The following USP4 variants were observed in gnomAD, a reference collection of about 807,000 sequenced individuals.
USP4 encodes the protein ubiquitin specific peptidase 4, also known as ubiquitin carboxyl-terminal hydrolase 4.
A neutral mutation model predicts 118.2 loss-of-function variants in USP4; 72 were observed. That is an observed-to-expected ratio of 0.61 (90% CI 0.50 to 0.74). The LOEUF is 0.74. USP4 is among the 30% of genes least tolerant of loss of function. USP4 has a pLI of 0.00. For synonymous variants in USP4, 415 were observed against 440.4 expected, an observed-to-expected ratio of 0.94 and a Z score of 0.72; for missense variants, 1,037 against 1,185.7, an observed-to-expected ratio of 0.87 and a Z score of 1.84.
At chr3:49,322,080 C>G (rs1054678573) in intron 6 of USP4, among the ~76,000 whole-genome samples, 1 of 152,152 alleles carries the variant, frequency 6.6e-6, no homozygotes, top group East Asian at 1.9e-4. Flanking sequence ...ACTACCCTGA[C>G]CAAGAAACAG....
At chr3:49,330,146 G>T (rs1283969103) in intron 2 of USP4, among the ~76,000 whole-genome samples, 2 of 150,522 alleles carry the variant, frequency 1.3e-5, no homozygotes. Flanking sequence ...ACTCCAGCCT[G>T]GGCAACAGAG....
intron 8 of USP4, among the ~76,000 whole-genome samples, chr3:49,306,414 G>A (rs1209991043): frequency 6.6e-6 from 1 of 151,740 alleles, no homozygotes; most frequent in Non-Finnish European, 1.5e-5. Context: ...TGTTGGCCAG[G>A]CTGGTCTCAA....
chr3:49,328,381 G>T (rs2047579559), intron 2 of USP4, among the ~76,000 whole-genome samples: 1 of 151,932 alleles, frequency 6.6e-6, no homozygotes, highest in South Asian at 2.1e-4. Context: ...CATACATGAG[G>T]TGGTTATGGT....
At chr3:49,286,945 G>A (rs1344086731) in intron 15 of USP4, among the ~76,000 whole-genome samples, 1 of 152,024 alleles carries the variant, frequency 6.6e-6, no homozygotes, top group Non-Finnish European at 1.5e-5. Flanking sequence ...CACCTCCCAG[G>A]TTCAAGCGAT....
At chr3:49,318,079 G>A (rs1427533555) in intron 6 of USP4, among the ~76,000 whole-genome samples, 1 of 152,010 alleles carries the variant, frequency 6.6e-6, no homozygotes. Flanking sequence ...TAGGTGATCC[G>A]CCCGCCTTGG....
chr3:49,299,236 C>T (rs1227469491), intron 11 of USP4, among the ~76,000 whole-genome samples: 3 of 151,582 alleles, frequency 2.0e-5, no homozygotes, highest in African/African-American at 4.9e-5. Flanking sequence ...ATTACAGGCG[C>T]GCACCACCAC....
chr3:49,298,657 G>C (rs754814120), intron 11 of USP4, 22 bp from the exon 12 acceptor site: 2 of 1,610,990 alleles, frequency 1.2e-6, no homozygotes, highest in South Asian at 2.2e-5. Flanking sequence ...AGATGGTCAA[G>C]GTCACAGGGG....
chr3:49,278,688 GCT>G (rs1003337175), intron 21 of USP4, 124 bp downstream of exon 21: 1 of 883,616 alleles, frequency 1.1e-6, no homozygotes, highest in African/African-American at 1.7e-5. Flanking sequence ...ATGCCAGCCA[GCT>G]CTGTCACACC....
At position 49,324,729 on chromosome 3, in the gene USP4, G is replaced by A. The variant is rs745347464; in HGVS notation, c.668C>T (p.Thr223Ile). The change falls in exon 6 of 22, where the codon ACA (threonine) becomes ATA (isoleucine). Residue 223 changes from threonine (T) to isoleucine (I), a missense_variant. Physicochemically the swap from Thr to Ile is moderately conservative, Grantham distance 89. Transcript: ENST00000265560. The part of the protein sequence containing the change: ...LVIEPQNEDG[T>I]WPRQTLQSKS... ...TGACTGCAAGGTCTGCCTGGGCCAT[G>A]TGCCATCTTCATTTTGAGGCTCAAT... The A allele has an allele frequency of 3.1e-6, 5 of 1,614,218 alleles. No individual in the cohort carries two copies. The highest frequency in any genetic ancestry group is 2.2e-5 in the East Asian group (1 of 44,892).
At chr3:49,337,981 G>A (rs2047688315) in intron 1 of USP4, among the ~76,000 whole-genome samples, 1 of 139,754 alleles carries the variant, frequency 7.2e-6, no homozygotes. Context: ...GGGAGGCAGA[G>A]ATTGCAGTGA....
At position 49,278,332 on chromosome 3, in the gene USP4, G is replaced by A. The variant is rs764715647; in HGVS notation, c.2853C>T (p.Gly951=). Residue 951 remains glycine (G), a synonymous_variant, in exon 22 of 22, where the codon GGC becomes GGT. Transcript: ENST00000265560. ...TGCTGCAAGCCTCATCATCCCCAAAGCCCTGCTGAGAGCTGCTTGGTCGTG... is the reference window on the plus strand; with the variant it reads ...TGCTGCAAGCCTCATCATCCCCAAAACCCTGCTGAGAGCTGCTTGGTCGTG... ...GGTRPSSSQQ[G]FGDDEACSMD... is the part of the protein sequence containing the mutation. The A allele has an allele frequency of 3.1e-6, 5 of 1,613,996 alleles. No homozygotes were observed. Among genetic ancestry groups the A allele is most frequent in the African/African-American group, 2.7e-5 (2 of 74,900 alleles).
At position 49,294,501 on chromosome 3, in the gene USP4, C is replaced by T. The variant is rs199814777; in HGVS notation, c.1789G>A (p.Ala597Thr). Residue 597 changes from alanine to threonine, a missense_variant, in exon 14 of 22, where the codon GCA (alanine) becomes ACA (threonine). By Grantham distance (58) the Ala-to-Thr change is moderately conservative. Transcript: ENST00000265560. ...RKSRPSSTSS[A>T]SALYGQPLLL... is the part of the protein sequence containing the mutation. Reference sequence around the variant, plus strand: ...AGTGGCTGCCCATATAGCGCTGATGCGGAGGAAGTGCTTGATGGCCTGGAC... The same window carrying T: ...AGTGGCTGCCCATATAGCGCTGATGTGGAGGAAGTGCTTGATGGCCTGGAC... 2.1e-4 allele frequency: 341 copies of T among 1,614,038 alleles called. No individual in the cohort carries two copies. Among genetic ancestry groups the T allele is most frequent in the Non-Finnish European group, 2.7e-4 (321 of 1,180,026 alleles).
Position 49,335,356 on chromosome 3 carries a change from T to A in USP4, c.229+113A>T. On this transcript the variant is annotated intron_variant, in intron 2 of 21. Transcript: ENST00000265560. ...TGCTATAGATGCAAAATGAGGATACTTGTTTCTATCTCCTCACACTAGGAA... is the reference window on the plus strand; with the variant it reads ...TGCTATAGATGCAAAATGAGGATACATGTTTCTATCTCCTCACACTAGGAA... The A allele has an allele frequency of 2.1e-6, 3 of 1,415,538 alleles. No individual in the cohort carries two copies. In the South Asian group the frequency reaches 3.9e-5, roughly 18 times the overall value. 87.7% of individuals were successfully genotyped at this position (1,415,538 alleles called of 1,614,324 possible). A position where few individuals can be genotyped will look rare whatever the true frequency, so the allele number is the denominator to read the frequency against.
chr3:49,286,092 G>A lies in USP4; in HGVS notation c.2200+6C>T, dbSNP rs577634738. The A allele has an allele frequency of 1.9e-6, 3 of 1,613,678 alleles. No homozygotes were observed. Among genetic ancestry groups the A allele is most frequent in the Non-Finnish European group, 2.5e-6 (3 of 1,179,690 alleles). ...CCCAGCTTGAAAGGTCAGAAAAAGT[G>A]CTTACAGTTGAGTTTAAGTAGTTTT... On this transcript the variant is annotated splice_donor_region_variant and intron_variant, in intron 16 of 21. Coordinates refer to ENST00000265560, the MANE Select transcript of USP4 (RefSeq NM_003363.4).
rs76819435 is a variant in USP4 at position 49,306,201 on chromosome 3, T to G, written c.955-313A>C. Among the ~76,000 whole-genome samples, 658 of 147,062 alleles carry G rather than the reference T, an allele frequency of 4.5e-3. 1 individual carries two copies. The highest frequency in any genetic ancestry group is 0.017 in the Middle Eastern group (5 of 286). On this transcript the variant is annotated intron_variant, in intron 8 of 21. Coordinates refer to ENST00000265560, the MANE Select transcript of USP4 (RefSeq NM_003363.4). ...TAATTCTTATTTAATGAAAAAAGTG[T>G]TTTTTTTTGTTTTTTTTTTTTTTGA...
chr3:49,314,680 C>T (rs2047418017), intron 6 of USP4, among the ~76,000 whole-genome samples: 1 of 152,140 alleles, frequency 6.6e-6, no homozygotes, highest in Admixed American at 6.6e-5. Flanking sequence ...TATGGCACTC[C>T]TCTTCTCAGT....
rs1305694209 is a variant in USP4 at position 49,335,604 on chromosome 3, G to C, written c.102-8C>G. 2 of 1,613,558 alleles carry C rather than the reference G, an allele frequency of 1.2e-6. No individual in the cohort carries two copies. The highest frequency in any genetic ancestry group is 2.7e-5 in the African/African-American group (2 of 75,036). ...CGGCTGTCAATAAGATACCTAGAGA[G>C]AGACAGAAATTTACTGTAGCAGAAA... On this transcript the variant is annotated splice_polypyrimidine_tract_variant and splice_region_variant and intron_variant, in intron 1 of 21. Coordinates refer to ENST00000265560, the MANE Select transcript of USP4 (RefSeq NM_003363.4).
chr3:49,282,848 C>A (rs933630184), intron 19 of USP4, among the ~76,000 whole-genome samples: 2 of 151,616 alleles, frequency 1.3e-5, no homozygotes, highest in Admixed American at 6.6e-5. Flanking sequence ...GCTGGGATTA[C>A]AGGCGTGCAC....
At position 49,311,390 on chromosome 3, in the gene USP4, T is replaced by G. The variant is rs902386821; in HGVS notation, c.836+124A>C. 3 of 1,038,316 alleles carry G rather than the reference T, an allele frequency of 2.9e-6. No individual in the cohort carries two copies. The African/African-American group carries it at 4.8e-5, about 17-fold the overall frequency. 64.3% of individuals were successfully genotyped at this position (1,038,316 alleles called of 1,614,324 possible). On this transcript the variant is annotated intron_variant, in intron 7 of 21. Transcript: ENST00000265560. ...GTATGAAATGGAGTGAGAAACTACA[T>G]GTAGCATGTTCCCATGAGGAACTCT... is the stretch of plus-strand genomic sequence containing the variant.
Sources: allele counts gnomAD v4.1 joint callset (sites outside exome capture counted in the v4.1 genomes callset), GRCh38; gene constraint gnomAD v4.1.1; transcripts MANE v1.5; gene names NCBI Gene and HGNC (gene_info 2026-07-23, HGNC 2026-07-21).